Variants in TGM3 observed in about 807,000 individuals in gnomAD.
The protein encoded by TGM3 is protein-glutamine gamma-glutamyltransferase E.
TGM3 carries 52 observed loss-of-function variants against 73.8 expected under a neutral mutation model. That is an observed-to-expected ratio of 0.70 (90% CI 0.56 to 0.89). TGM3 has a LOEUF of 0.89. Ranked by LOEUF, TGM3 falls within the 40% of genes least tolerant of loss-of-function variation. The probability of loss-of-function intolerance (pLI) is 0.00; values close to 1 mark genes in which losing one functional copy is unlikely to be tolerated. For synonymous variants in TGM3, 372 were observed against 354.9 expected (o/e 1.05, Z -0.54); for missense variants, 928 against 909.9 (o/e 1.02, Z -0.26).
chr20:2,313,051 G>A (rs773921760), intron 5 of TGM3, 25 bp downstream of exon 5: 52 of 1,613,630 alleles, frequency 3.2e-5, no homozygotes, highest in Non-Finnish European at 4.2e-5. Flanking sequence ...AACGATCACA[G>A]CTAGTTGTCA....
At chr20:2,322,850 G>A (rs1336279743) in intron 7 of TGM3, among the ~76,000 whole-genome samples, 1 of 152,146 alleles carries the variant, frequency 6.6e-6, no homozygotes, top group African/African-American at 2.4e-5. Context: ...TAGAAGTAAT[G>A]AGTAATTGAC....
At position 2,334,259 on chromosome 20, in the gene TGM3, T is replaced by G. The variant is rs970324032; in HGVS notation, c.1643-857T>G. On this transcript the variant is annotated intron_variant, in intron 10 of 12. Transcript: ENST00000381458. This position sits in a 1 kb window ranked among gnomAD's most constrained non-coding sequence, Gnocchi z 4.0. Reference sequence around the variant, plus strand: ...TGTTTTGTCTGCAGAACAAGAAGTGTGGAAGGTTCTTTTAAGGGACAGGTG... The same window carrying G: ...TGTTTTGTCTGCAGAACAAGAAGTGGGGAAGGTTCTTTTAAGGGACAGGTG... Among the ~76,000 whole-genome samples the G allele has an allele frequency of 2.0e-5, 3 of 152,082 alleles. No individual in the cohort carries two copies. Among genetic ancestry groups the G allele is most frequent in the Non-Finnish European group, 4.4e-5 (3 of 68,004 alleles).
intron 4 of TGM3, among the ~76,000 whole-genome samples, chr20:2,312,353 T>C (rs146226387): frequency 2.6e-3 from 304 of 118,056 alleles, no homozygotes; most frequent in South Asian, 7.3e-3. Flanking sequence ...GCCGAGATCA[T>C]ACCACTGCAC....
rs45583632 is a variant in TGM3 at position 2,339,849 on chromosome 20, C to A, written c.1801-5C>A. On this transcript the variant is annotated splice_polypyrimidine_tract_variant and splice_region_variant and intron_variant, in intron 11 of 12. Coordinates refer to ENST00000381458, the MANE Select transcript of TGM3 (RefSeq NM_003245.4). The stretch of plus-strand genomic sequence containing the variant: ...TCCTGACTCGGCAGCCCCTCTCCCC[C>A]ATAGGTGCTGAACGAGGCTCGTGTG... 713 of 1,613,962 alleles carry A rather than the reference C, an allele frequency of 4.4e-4. 3 individuals carry two copies. The African/African-American group carries it at 8.1e-3, about 18-fold the overall frequency.
chr20:2,297,149 C>A (rs753631139), intron 1 of TGM3, among the ~76,000 whole-genome samples: 1 of 152,210 alleles, frequency 6.6e-6, no homozygotes, highest in Non-Finnish European at 1.5e-5. Flanking sequence ...CATCTCCCTC[C>A]CTCCAGGAGG....
In TGM3 at chr20:2,328,204, C is replaced by T; in HGVS notation, c.1172C>T (p.Ala391Val). ...AACTTCGACATGCCCTTTATCTTCGCGGAGGTTAATGCCGACCGCATCACC... is the reference window on the plus strand; with the variant it reads ...AACTTCGACATGCCCTTTATCTTCGTGGAGGTTAATGCCGACCGCATCACC... ...QLNFDMPFIF[A>V]EVNADRITWL... The change falls in exon 9 of 13, where the codon GCG becomes GTG. Residue 391 changes from alanine to valine, a missense_variant. Coordinates refer to ENST00000381458, the MANE Select transcript of TGM3 (RefSeq NM_003245.4). The surrounding 1 kb of genome is among the most constrained non-coding windows in gnomAD (Gnocchi z 5.2). 5 of 1,614,178 alleles carry T rather than the reference C, an allele frequency of 3.1e-6. No individual in the cohort carries two copies. The highest frequency in any genetic ancestry group is 4.2e-6 in the Non-Finnish European group (5 of 1,180,044).
rs757935077 is a variant in TGM3 at position 2,296,862 on chromosome 20, C to T, written c.7+792C>T. Among the ~76,000 whole-genome samples the T allele has an allele frequency of 1.8e-3, 276 of 152,252 alleles. 2 individuals are homozygous for T. Among genetic ancestry groups the T allele is most frequent in the Non-Finnish European group, 1.7e-3 (116 of 68,022 alleles). ...GCTCAGCCTAGTAGGTTGACAGGGA[C>T]GCCAAATCCAAACAAGATATGAGTC... is the stretch of plus-strand genomic sequence containing the variant. On this transcript the variant is annotated intron_variant, in intron 1 of 12. Coordinates refer to ENST00000381458, the MANE Select transcript of TGM3 (RefSeq NM_003245.4).
intron 8 of TGM3, among the ~76,000 whole-genome samples, chr20:2,326,982 C>T (rs2084291480): frequency 6.6e-6 from 1 of 152,182 alleles, no homozygotes; most frequent in African/African-American, 2.4e-5. Context: ...AGAATCAGTG[C>T]ACGTTACTAG....
At chr20:2,313,101 T>G in intron 5 of TGM3, 75 bp downstream of exon 5, 1 of 1,579,614 alleles carries the variant, frequency 6.3e-7, no homozygotes, top group Non-Finnish European at 8.6e-7. Flanking sequence ...GCACGCACAC[T>G]CTTTACATAT....
intron 7 of TGM3, among the ~76,000 whole-genome samples, chr20:2,321,519 G>T (rs1201223512): frequency 6.6e-6 from 1 of 152,184 alleles, no homozygotes; most frequent in African/African-American, 2.4e-5. Context: ...TCCTAACTCT[G>T]TGATTTCAAA....
intron 11 of TGM3, among the ~76,000 whole-genome samples, chr20:2,339,614 C>A (rs2084369352): frequency 6.6e-6 from 1 of 152,130 alleles, no homozygotes; most frequent in Admixed American, 6.5e-5. Flanking sequence ...GGCCCCTTCC[C>A]CCTCAAAGCT....
At chr20:2,335,402 G>C (rs951966845) in intron 11 of TGM3, 129 bp downstream of exon 11, 2 of 1,179,006 alleles carry the variant, frequency 1.7e-6, no homozygotes, top group Admixed American at 5.0e-5. Context: ...GCTGGGAGGG[G>C]CAGAGAACTG....
rs538126472 is a variant in TGM3, at chr20:2,334,655, A to G, written c.1643-461A>G. Among the ~76,000 whole-genome samples the G allele has an allele frequency of 6.6e-6, 1 of 152,294 alleles. No homozygotes were observed. Among genetic ancestry groups the G allele is most frequent in the Non-Finnish European group, 1.5e-5 (1 of 68,016 alleles). ...TATTCTTCCACTGCCCCTCAGAAGG[A>G]CACTTGTGGCTGGGAGCAGTGCTCA... On this transcript the variant is annotated intron_variant, in intron 10 of 12. Coordinates refer to ENST00000381458, the MANE Select transcript of TGM3 (RefSeq NM_003245.4). This position sits in a 1 kb window ranked among gnomAD's most constrained non-coding sequence, Gnocchi z 4.0.
intron 5 of TGM3, among the ~76,000 whole-genome samples, chr20:2,314,800 C>T (rs575725916): frequency 6.6e-6 from 1 of 152,154 alleles, no homozygotes; most frequent in South Asian, 2.1e-4. Context: ...AATCCTGTAA[C>T]CTTTATTTAT....
intron 1 of TGM3, among the ~76,000 whole-genome samples, chr20:2,305,524 T>G (rs2084172327): frequency 6.6e-6 from 1 of 152,194 alleles, no homozygotes; most frequent in African/African-American, 2.4e-5. Context: ...CATTGTAAGA[T>G]TTCACTGACC....
At chr20:2,303,856 G>A (rs950590922) in intron 1 of TGM3, among the ~76,000 whole-genome samples, 2 of 152,200 alleles carry the variant, frequency 1.3e-5, no homozygotes, top group African/African-American at 4.8e-5. Flanking sequence ...AACTCAGGGA[G>A]GTGGCACGGA....
At chr20:2,331,850 C>T in intron 9 of TGM3, 152 bp from the exon 10 acceptor site, 2 of 876,632 alleles carry the variant, frequency 2.3e-6, no homozygotes, top group Non-Finnish European at 3.5e-6. Context: ...CCGGTTAAGA[C>T]AGGCGAGCTG....
chr20:2,340,033 C>CGGGGGGGGT, intron 12 of TGM3, 46 bp downstream of exon 12: 1 of 196,588 alleles, frequency 5.1e-6, no homozygotes, highest in South Asian at 4.4e-5. Context: ...CGGGAGGGGG[C>CGGGGGGGGT]GGGGGGGCCC....
At chr20:2,333,248 C>T (rs1446014323) in intron 10 of TGM3, among the ~76,000 whole-genome samples, 2 of 152,178 alleles carry the variant, frequency 1.3e-5, no homozygotes, top group Non-Finnish European at 2.9e-5. Context: ...AGGTGTCACA[C>T]CTGTCAGAAA....
Sources: allele counts gnomAD v4.1 joint callset (sites outside exome capture counted in the v4.1 genomes callset), GRCh38; gene constraint gnomAD v4.1.1; non-coding constraint Gnocchi (gnomAD v3.1); transcripts MANE v1.5; gene names NCBI Gene and HGNC (gene_info 2026-07-23, HGNC 2026-07-21).